The following FAM53A variants were observed in gnomAD, a reference collection of about 807,000 sequenced individuals.
The protein encoded by FAM53A is family with sequence similarity 53 member A.
In FAM53A, 28 loss-of-function variants were observed where a neutral mutation model predicts 26.6. The ratio of observed to expected loss-of-function variants is 1.05; its 90% CI spans 0.78 to 1.45. FAM53A has a LOEUF of 1.45. FAM53A is among the 40% of genes most tolerant of loss of function. The probability of loss-of-function intolerance (pLI) is 0.00; values close to 1 mark genes in which losing one functional copy is unlikely to be tolerated. For missense variants in FAM53A, 650 were observed against 575.8 expected (o/e 1.13, Z -1.32); for synonymous variants, 290 against 253.1 (o/e 1.15, Z -1.38).
the FAM53A span, among the ~76,000 whole-genome samples, chr4:1,586,262 C>T: frequency 2.6e-5 from 4 of 151,718 alleles, no homozygotes; most frequent in East Asian, 1.9e-4. Context: ...GGCGCGATCT[C>T]GGCTCACCAC....
intron 1 of FAM53A, among the ~76,000 whole-genome samples, chr4:1,621,100 A>ATTTTTTTTTTT (rs1560106132): frequency 9.1e-5 from 7 of 77,256 alleles, no homozygotes; most frequent in South Asian, 3.3e-4. Context: ...CAGCTACGCT[A>ATTTTTTTTTTT]CTTTTTTTTT....
At chr4:1,601,327 C>T in the FAM53A span, among the ~76,000 whole-genome samples, 3 of 114,108 alleles carry the variant, frequency 2.6e-5, no homozygotes, top group Non-Finnish European at 4.3e-5. Context: ...CACCAGGCAG[C>T]GGCCTCGCCC....
intron 4 of FAM53A, among the ~76,000 whole-genome samples, chr4:1,652,130 C>CACA (rs1712869032): frequency 1.8e-5 from 2 of 112,066 alleles, no homozygotes; most frequent in Non-Finnish European, 3.6e-5. Flanking sequence ...CCACACACAC[C>CACA]TCATACACCA....
intron 1 of FAM53A, among the ~76,000 whole-genome samples, chr4:1,676,583 G>T (rs954241155): frequency 7.9e-5 from 12 of 152,104 alleles, no homozygotes; most frequent in African/African-American, 2.9e-4. Flanking sequence ...TCCCAAACGT[G>T]CAGAGGCCTC....
chr4:1,620,948 G>A (rs1226285875), intron 1 of FAM53A, among the ~76,000 whole-genome samples: 1 of 151,976 alleles, frequency 6.6e-6, no homozygotes, highest in African/African-American at 2.4e-5. Flanking sequence ...GCTTTTTTCT[G>A]CTCCACCTCC....
chr4:1,610,916 G>A, the FAM53A span, among the ~76,000 whole-genome samples: 2 of 152,294 alleles, frequency 1.3e-5, no homozygotes, highest in East Asian at 1.9e-4. Context: ...AGCCCTGTCC[G>A]CAGCACACCC....
chr4:1,622,627 G>A, intron 1 of FAM53A, among the ~76,000 whole-genome samples: 1 of 152,240 alleles, frequency 6.6e-6, no homozygotes, highest in Non-Finnish European at 1.5e-5. Flanking sequence ...ATGCCCATTT[G>A]GGGGTCTGGC....
At chr4:1,579,792 G>A in the FAM53A span, among the ~76,000 whole-genome samples, 5 of 152,144 alleles carry the variant, frequency 3.3e-5, no homozygotes, top group African/African-American at 9.6e-5. Flanking sequence ...ATACGAAGGG[G>A]CGCGGCCCCA....
chr4:1,654,799 G>A lies in FAM53A; in HGVS notation c.882+179C>T, dbSNP rs138380464. Among the ~76,000 whole-genome samples, 164 of 152,338 alleles carry A rather than the reference G, an allele frequency of 1.1e-3. 1 individual carries two copies. The highest frequency in any genetic ancestry group is 3.7e-3 in the African/African-American group (152 of 41,586). Reference sequence around the variant, plus strand: ...GGGTGAGCTGGGTGCTCTGACACCAGGACAGGCCCCCGATCGCTCCCACGC... The same window carrying A: ...GGGTGAGCTGGGTGCTCTGACACCAAGACAGGCCCCCGATCGCTCCCACGC... On this transcript the variant is annotated intron_variant, in intron 4 of 4. Coordinates refer to ENST00000308132, the MANE Select transcript of FAM53A (RefSeq NM_001174070.3).
chr4:1,623,284 C>T (rs1292070965), intron 1 of FAM53A, among the ~76,000 whole-genome samples: 5 of 152,220 alleles, frequency 3.3e-5, no homozygotes, highest in African/African-American at 1.2e-4. Flanking sequence ...GGCAGCTGCT[C>T]CGTCCTGGGC....
Position 1,621,199 on chromosome 4 carries a change from G to T in FAM53A, c.432-3088C>A, listed in dbSNP as rs556833035. Among the ~76,000 whole-genome samples the T allele has an allele frequency of 1.2e-4, 17 of 147,738 alleles. 1 individual carries two copies. In the South Asian group the frequency reaches 3.7e-3, roughly 32 times the overall value. On this transcript the variant is annotated intron_variant, in intron 1 of 1. Coordinates refer to the FAM53A transcript ENST00000489029. ...CTCACTACAGGCTCCGCCCCCCAGG[G>T]TTCATGCCATTCTCCTGCCTCAGCC... is the stretch of plus-strand genomic sequence containing the variant.
chr4:1,614,299 A>G (rs527662075), downstream of FAM53A, among the ~76,000 whole-genome samples: 50 of 151,542 alleles, frequency 3.3e-4, 1 homozygote, highest in Middle Eastern at 3.4e-3. Flanking sequence ...GGGCCTGCTG[A>G]GGAGCACCCA....
chr4:1,586,792 AAAAAAAG>A, the FAM53A span, among the ~76,000 whole-genome samples: 1 of 151,044 alleles, frequency 6.6e-6, no homozygotes, highest in Non-Finnish European at 1.5e-5. Context: ...CAAAAAAAAA[AAAAAAAG>A]AAGAAGAAGT....
At chr4:1,638,809 T>C (rs1156966027), downstream of FAM53A, among the ~76,000 whole-genome samples, 1 of 152,134 alleles carries the variant, frequency 6.6e-6, no homozygotes, top group East Asian at 1.9e-4. Context: ...GTGGCCCCCC[T>C]CCTCCTGCCT....
In FAM53A at chr4:1,640,619, T is replaced by C. The variant is rs192806325; in HGVS notation, c.*674A>G. The C allele has an allele frequency of 9.0e-4, 337 of 376,394 alleles. 1 individual carries two copies. Among genetic ancestry groups the C allele is most frequent in the East Asian group, 7.3e-3 (72 of 9,832 alleles). 23.3% of individuals were successfully genotyped at this position (376,394 alleles called of 1,614,324 possible). ...TTAATGTTCCAAGCAACACGAAACCTACTCTGTGCCCCAGGGCAGGTGCCG... is the reference window on the plus strand; with the variant it reads ...TTAATGTTCCAAGCAACACGAAACCCACTCTGTGCCCCAGGGCAGGTGCCG... On this transcript the variant is annotated 3_prime_UTR_variant, in exon 5 of 5. Transcript: ENST00000308132.
At chr4:1,678,917 C>G (rs549398565) in intron 1 of FAM53A, among the ~76,000 whole-genome samples, 38 of 151,988 alleles carry the variant, frequency 2.5e-4, no homozygotes, top group African/African-American at 8.7e-4. Flanking sequence ...AAAAATCCTA[C>G]TAGATAGATA....
chr4:1,599,885 T>C, the FAM53A span, among the ~76,000 whole-genome samples: 1 of 152,164 alleles, frequency 6.6e-6, no homozygotes, highest in South Asian at 2.1e-4. The surrounding 1 kb of genome is among the most constrained non-coding windows in gnomAD (Gnocchi z 6.1). Flanking sequence ...GTGGGCTGCA[T>C]GGCGCTGTGG....
chr4:1,579,133 C>A, the FAM53A span, among the ~76,000 whole-genome samples: 1 of 151,556 alleles, frequency 6.6e-6, no homozygotes, highest in African/African-American at 2.4e-5. Flanking sequence ...TCCGACCAGC[C>A]CGGAGGCGGC....
At chr4:1,626,959 G>C (rs1305535587) in intron 1 of FAM53A, among the ~76,000 whole-genome samples, 1 of 152,216 alleles carries the variant, frequency 6.6e-6, no homozygotes, top group Non-Finnish European at 1.5e-5. Context: ...CTGGCCTGGA[G>C]GCTGCCTGAG....
Sources: gnomAD v4.1 joint callset for allele counts (sites outside exome capture counted in the v4.1 genomes callset) on GRCh38, gnomAD v4.1.1 for gene constraint, Gnocchi (gnomAD v3.1) non-coding constraint, MANE v1.5 for transcripts, NCBI Gene and HGNC (gene_info 2026-07-23, HGNC 2026-07-21) for gene names.